PARD3B: variants seen among roughly 807,000 people sequenced by gnomAD.
PARD3B encodes the protein par-3 family cell polarity regulator beta, also known as partitioning defective 3 homolog B.
Under a neutral mutation model 130.2 loss-of-function variants are expected in PARD3B, and 103 were observed. The observed-to-expected ratio is 0.79, with a 90% CI of 0.67 to 0.93. The LOEUF (loss-of-function observed/expected upper bound fraction) is 0.93. Among genes scored for constraint, PARD3B ranks in the 40% least tolerant of loss-of-function variants. The pLI, the probability that PARD3B is intolerant of heterozygous loss-of-function variation, is 0.00. For synonymous variants in PARD3B, 583 were observed against 553.2 expected (o/e 1.05, Z -0.76); for missense variants, 1,609 against 1,499.2 (o/e 1.07, Z -1.21).
At chr2:204,720,339 C>A (rs1016280050) in intron 2 of PARD3B, among the ~76,000 whole-genome samples, 2 of 151,998 alleles carry the variant, frequency 1.3e-5, no homozygotes, top group Admixed American at 1.3e-4. Context: ...CCATGAACTG[C>A]GTTTTTGTGT....
chr2:204,763,187 C>T (rs1210320063), intron 2 of PARD3B, among the ~76,000 whole-genome samples: 1 of 152,210 alleles, frequency 6.6e-6, no homozygotes, highest in African/African-American at 2.4e-5. Flanking sequence ...CTACCAGGGA[C>T]AGCATGGATT....
At chr2:204,815,837 T>C (rs1220583466) in intron 2 of PARD3B, among the ~76,000 whole-genome samples, 1 of 152,056 alleles carries the variant, frequency 6.6e-6, no homozygotes, top group East Asian at 1.9e-4. Context: ...GTTTTGTTAC[T>C]GATTTCTAAT....
At chr2:204,640,071 T>C (rs964669500) in intron 1 of PARD3B, among the ~76,000 whole-genome samples, 9 of 152,022 alleles carry the variant, frequency 5.9e-5, no homozygotes, top group African/African-American at 1.2e-4. Context: ...CTGGGCAACA[T>C]AGGGAGACCT....
intron 18 of PARD3B, among the ~76,000 whole-genome samples, chr2:205,365,010 G>A (rs551475952): frequency 6.6e-6 from 1 of 151,982 alleles, no homozygotes; most frequent in East Asian, 1.9e-4. Flanking sequence ...GACCAGCCTG[G>A]GCAAGATGGT....
intron 3 of PARD3B, among the ~76,000 whole-genome samples, chr2:204,969,693 A>G (rs1691535886): frequency 6.6e-6 from 1 of 152,178 alleles, no homozygotes; most frequent in East Asian, 1.9e-4. Context: ...TTAAAAATTA[A>G]TTGTAGATTT....
At chr2:205,383,117 T>TAGATAGATAGATAGAG (rs1553500369) in intron 18 of PARD3B, among the ~76,000 whole-genome samples, 1,507 of 149,878 alleles carry the variant, frequency 0.01, 11 homozygotes, top group Non-Finnish European at 0.016. Flanking sequence ...GATAGATAGA[T>TAGATAGATAGATAGAG]AGATAGATAG....
intron 2 of PARD3B, among the ~76,000 whole-genome samples, chr2:204,775,032 T>C (rs888624574): frequency 2.6e-5 from 4 of 152,166 alleles, no homozygotes; most frequent in African/African-American, 7.2e-5. Flanking sequence ...TCAGAATGGG[T>C]AATTTCCTTT....
chr2:205,249,367 T>C (rs2039737205), intron 16 of PARD3B, among the ~76,000 whole-genome samples: 2 of 152,058 alleles, frequency 1.3e-5, no homozygotes, highest in South Asian at 4.1e-4. Context: ...AATAAATTCA[T>C]CTGAGTTAAA....
Position 205,473,245 on chromosome 2 carries a change from T to C in PARD3B, c.3045-26651T>C, listed in dbSNP as rs1055065547. Among the ~76,000 whole-genome samples the C allele has an allele frequency of 1.8e-4, 27 of 152,162 alleles. No homozygotes were observed. Among genetic ancestry groups the C allele is most frequent in the African/African-American group, 6.3e-4 (26 of 41,460 alleles). On this transcript the variant is annotated intron_variant, in intron 20 of 22. Transcript: ENST00000406610. This position sits in a 1 kb window ranked among gnomAD's most constrained non-coding sequence, Gnocchi z 4.9. Reference sequence around the variant, plus strand: ...CCTTTCCCATTAATAAAAAGGGGACTGATTTCATAAATTTAGCATATTACG... The same window carrying C: ...CCTTTCCCATTAATAAAAAGGGGACCGATTTCATAAATTTAGCATATTACG...
intron 14 of PARD3B, among the ~76,000 whole-genome samples, chr2:205,186,260 T>C (rs1489854992): frequency 6.6e-6 from 1 of 152,106 alleles, no homozygotes; most frequent in African/African-American, 2.4e-5. Context: ...TAAAAATAGA[T>C]GTTCCAAGAA....
chr2:205,150,133 G>A (rs1208072087), intron 10 of PARD3B, among the ~76,000 whole-genome samples: 1 of 152,052 alleles, frequency 6.6e-6, no homozygotes, highest in Non-Finnish European at 1.5e-5. Flanking sequence ...AGCCTCTAGT[G>A]GCAAAGAATA....
chr2:205,324,111 G>A (rs1410760271), intron 18 of PARD3B, among the ~76,000 whole-genome samples: 1 of 152,164 alleles, frequency 6.6e-6, no homozygotes, highest in Non-Finnish European at 1.5e-5. Context: ...GGGCTTTACA[G>A]TGTCTAACAT....
intron 3 of PARD3B, among the ~76,000 whole-genome samples, chr2:205,000,395 T>C (rs959315736): frequency 1.3e-5 from 2 of 152,166 alleles, no homozygotes; most frequent in Non-Finnish European, 2.9e-5. Flanking sequence ...GAGATAAGGT[T>C]AGAGAAATAA....
chr2:204,966,705 G>C (rs761693321), intron 3 of PARD3B, among the ~76,000 whole-genome samples: 53 of 151,890 alleles, frequency 3.5e-4, no homozygotes, highest in Non-Finnish European at 6.2e-4. Flanking sequence ...TTTTTTGTTG[G>C]AATATTGAAA....
rs776531714 is a variant in PARD3B, at chr2:205,121,954, T to C, written c.1165+5T>C. 20 of 1,584,666 alleles carry C rather than the reference T, an allele frequency of 1.3e-5. No individual in the cohort carries two copies. The highest frequency in any genetic ancestry group is 1.7e-5 in the Admixed American group (1 of 58,740). ...TTAAGATTGACCTAAAGAAAGGTAATTATTAAATTATGCCTAATAGCATTC... is the reference window on the plus strand; with the variant it reads ...TTAAGATTGACCTAAAGAAAGGTAACTATTAAATTATGCCTAATAGCATTC... On this transcript the variant is annotated splice_donor_5th_base_variant and intron_variant, in intron 8 of 22. Coordinates refer to ENST00000406610, the MANE Select transcript of PARD3B (RefSeq NM_001302769.2). This position sits in a 1 kb window ranked among gnomAD's most constrained non-coding sequence, Gnocchi z 5.0.
chr2:204,617,964 A>G (rs1239785265), intron 1 of PARD3B, among the ~76,000 whole-genome samples: 1 of 152,152 alleles, frequency 6.6e-6, no homozygotes, highest in Non-Finnish European at 1.5e-5. Context: ...ATCTAGGTTG[A>G]TTCCATGTCT....
chr2:204,880,180 C>A (rs1292085750), intron 2 of PARD3B, among the ~76,000 whole-genome samples: 3 of 152,144 alleles, frequency 2.0e-5, no homozygotes, highest in Non-Finnish European at 4.4e-5. Flanking sequence ...AAAATAATCT[C>A]TTTCTCTTAG....
intron 18 of PARD3B, among the ~76,000 whole-genome samples, chr2:205,339,040 T>C (rs1249890761): frequency 6.6e-6 from 1 of 152,226 alleles, no homozygotes; most frequent in East Asian, 1.9e-4. Context: ...ATGTAAAATT[T>C]GTAAAATTCG....
chr2:204,692,166 A>T (rs2037385671), intron 2 of PARD3B, among the ~76,000 whole-genome samples: 1 of 152,092 alleles, frequency 6.6e-6, no homozygotes, highest in African/African-American at 2.4e-5. Flanking sequence ...AACAGGATGA[A>T]GTATTTTGTT....
Sources: allele counts gnomAD v4.1 joint callset (sites outside exome capture counted in the v4.1 genomes callset), GRCh38; gene constraint gnomAD v4.1.1; non-coding constraint Gnocchi (gnomAD v3.1); transcripts MANE v1.5; gene names NCBI Gene and HGNC (gene_info 2026-07-23, HGNC 2026-07-21).